Variants in SLC6A11 observed in about 807,000 individuals in gnomAD.
SLC6A11 encodes the protein sodium- and chloride-dependent GABA transporter 3.
Under a neutral mutation model 74.8 loss-of-function variants are expected in SLC6A11, and 25 were observed. That is an observed-to-expected ratio of 0.33 (90% CI 0.24 to 0.47). SLC6A11 has a LOEUF of 0.47. SLC6A11 is among the 20% of genes least tolerant of loss of function. SLC6A11 has a pLI of 1.00. For missense variants in SLC6A11, 574 were observed against 837.0 expected, an observed-to-expected ratio of 0.69 and a Z score of 3.88; for synonymous variants, 330 against 330.2, an observed-to-expected ratio of 1.00 and a Z score of 0.01.
intron 6 of SLC6A11, among the ~76,000 whole-genome samples, chr3:10,877,153 G>A (rs1251506917): frequency 6.6e-6 from 1 of 152,180 alleles, no homozygotes; most frequent in Non-Finnish European, 1.5e-5. Context: ...CCTGTTATTT[G>A]TTTACATATT....
rs559620708 is a variant in SLC6A11 at position 10,926,758 on chromosome 3, C to A, written c.1233+642C>A. Among the ~76,000 whole-genome samples, 1 of 152,112 alleles carries A rather than the reference C, an allele frequency of 6.6e-6. No homozygotes were observed. The highest frequency in any genetic ancestry group is 2.4e-5 in the African/African-American group (1 of 41,412). ...GGTTTCCCTTTGTTGCCACACAGCA[C>A]GCAGGCGCTCGCTTCCCGCACTGAG... On this transcript the variant is annotated intron_variant, in intron 9 of 13. Transcript: ENST00000254488. The surrounding 1 kb of genome is among the most constrained non-coding windows in gnomAD (Gnocchi z 5.7).
At chr3:10,863,061 G>A (rs568670735) in intron 5 of SLC6A11, among the ~76,000 whole-genome samples, 14 of 152,346 alleles carry the variant, frequency 9.2e-5, no homozygotes, top group African/African-American at 2.2e-4. Context: ...TGTTCTTACC[G>A]TGTTATTGAG....
At chr3:10,909,109 C>CAAA (rs34230224) in intron 6 of SLC6A11, among the ~76,000 whole-genome samples, 27,101 of 103,510 alleles carry the variant, frequency 0.26, 3,596 homozygotes, top group East Asian at 0.36. Context: ...ACATCCCCAG[C>CAAA]AAAAAAAAAA....
intron 5 of SLC6A11, among the ~76,000 whole-genome samples, chr3:10,860,496 A>G (rs1694690343): frequency 3.3e-5 from 5 of 151,732 alleles, no homozygotes; most frequent in African/African-American, 4.9e-5. Flanking sequence ...GGGGACACCA[A>G]CATGTAAGGG....
intron 12 of SLC6A11, 82 bp downstream of exon 12, chr3:10,934,248 A>C: frequency 1.0e-6 from 1 of 955,642 alleles, no homozygotes; most frequent in African/African-American, 1.6e-5. Flanking sequence ...CGTAGCCCCC[A>C]CCCTGGCCGA....
At chr3:10,832,712 T>G (rs1054395862) in intron 4 of SLC6A11, among the ~76,000 whole-genome samples, 1 of 152,184 alleles carries the variant, frequency 6.6e-6, no homozygotes, top group Non-Finnish European at 1.5e-5. Flanking sequence ...CTCTCCTTTT[T>G]GTCCTGTCTG....
At chr3:10,877,426 A>G (rs1283403141) in intron 6 of SLC6A11, among the ~76,000 whole-genome samples, 1 of 152,142 alleles carries the variant, frequency 6.6e-6, no homozygotes, top group Non-Finnish European at 1.5e-5. Context: ...GGGTATGCAG[A>G]CTGTGTTCCT....
intron 4 of SLC6A11, among the ~76,000 whole-genome samples, chr3:10,835,356 C>G (rs1314104650): frequency 1.3e-5 from 2 of 152,160 alleles, no homozygotes; most frequent in African/African-American, 4.8e-5. Flanking sequence ...ACGTGGGATC[C>G]ACGTTCTGCG....
At chr3:10,860,870 T>C (rs1465053840) in intron 5 of SLC6A11, among the ~76,000 whole-genome samples, 23 of 152,190 alleles carry the variant, frequency 1.5e-4, no homozygotes, top group Non-Finnish European at 5.9e-5. Context: ...GTTGAGTATG[T>C]AGAATTGTAG....
In SLC6A11 at chr3:10,883,240, G is replaced by A. The variant is rs115322284; in HGVS notation, c.891+8145G>A. Among the ~76,000 whole-genome samples the A allele has an allele frequency of 4.6e-3, 697 of 152,290 alleles. 4 individuals are homozygous for A. Among genetic ancestry groups the A allele is most frequent in the African/African-American group, 0.016 (652 of 41,566 alleles). On this transcript the variant is annotated intron_variant, in intron 6 of 13. Coordinates refer to ENST00000254488, the MANE Select transcript of SLC6A11 (RefSeq NM_014229.3). Reference sequence around the variant, plus strand: ...TTTGTTGGTCTTCACTGTCAGCCCCGTGTTCTCTCTGAAGTGTGAAGTGCT... The same window carrying A: ...TTTGTTGGTCTTCACTGTCAGCCCCATGTTCTCTCTGAAGTGTGAAGTGCT...
At chr3:10,899,278 G>A (rs1385907238) in intron 6 of SLC6A11, among the ~76,000 whole-genome samples, 2 of 152,122 alleles carry the variant, frequency 1.3e-5, no homozygotes, top group Non-Finnish European at 2.9e-5. Flanking sequence ...TCTCAGCCAG[G>A]GAGGAGACTC....
At chr3:10,891,132 A>G (rs867129432) in intron 6 of SLC6A11, among the ~76,000 whole-genome samples, 6 of 152,094 alleles carry the variant, frequency 3.9e-5, no homozygotes, top group South Asian at 2.1e-4. Context: ...TCAGACTTCT[A>G]TTTGCTCAGA....
intron 5 of SLC6A11, among the ~76,000 whole-genome samples, chr3:10,868,636 C>A (rs781024098): frequency 7.2e-5 from 11 of 152,230 alleles, no homozygotes; most frequent in Non-Finnish European, 1.2e-4. Flanking sequence ...TTTCTCCACG[C>A]CCACCCTTCT....
At chr3:10,822,364 G>T (rs181932930) in intron 3 of SLC6A11, among the ~76,000 whole-genome samples, 5 of 152,334 alleles carry the variant, frequency 3.3e-5, no homozygotes, top group African/African-American at 1.2e-4. Context: ...GGGTCCCATG[G>T]TAGTGGGCTT....
At chr3:10,854,162 C>A (rs1319999808) in intron 5 of SLC6A11, among the ~76,000 whole-genome samples, 2 of 152,014 alleles carry the variant, frequency 1.3e-5, no homozygotes, top group African/African-American at 4.8e-5. Flanking sequence ...CTGAGGCAGG[C>A]GGATCACCTG....
At chr3:10,831,901 G>A (rs1044284804) in intron 4 of SLC6A11, among the ~76,000 whole-genome samples, 1 of 152,120 alleles carries the variant, frequency 6.6e-6, no homozygotes, top group African/African-American at 2.4e-5. Context: ...AATGAAGCAT[G>A]CTTTCTGAAT....
At chr3:10,855,956 G>A (rs1438713209) in intron 5 of SLC6A11, among the ~76,000 whole-genome samples, 2 of 152,170 alleles carry the variant, frequency 1.3e-5, no homozygotes, top group Non-Finnish European at 2.9e-5. Flanking sequence ...CTTAGAGCAT[G>A]TATTTTTTTA....
At position 10,834,585 on chromosome 3, in the gene SLC6A11, G is replaced by T. The variant is rs142068198; in HGVS notation, c.624-9629G>T. ...ACCAGGTTGTTTTTAATAAAACAAT[G>T]AGGAAGTATATAAAACTCTCCAGGG... On this transcript the variant is annotated intron_variant, in intron 4 of 13. Transcript: ENST00000254488. Among the ~76,000 whole-genome samples, 1,420 of 152,192 alleles carry T rather than the reference G, an allele frequency of 9.3e-3. 17 individuals are homozygous for T. Among genetic ancestry groups the T allele is most frequent in the African/African-American group, 0.033 (1,364 of 41,496 alleles).
intron 4 of SLC6A11, among the ~76,000 whole-genome samples, chr3:10,843,785 C>G (rs1354017292): frequency 6.6e-6 from 1 of 152,158 alleles, no homozygotes; most frequent in Non-Finnish European, 1.5e-5. Flanking sequence ...AAGCTTCTAT[C>G]TGAAATGACA....
Sources: allele counts gnomAD v4.1 joint callset (sites outside exome capture counted in the v4.1 genomes callset), GRCh38; gene constraint gnomAD v4.1.1; non-coding constraint Gnocchi (gnomAD v3.1); transcripts MANE v1.5; gene names NCBI Gene and HGNC (gene_info 2026-07-23, HGNC 2026-07-21).